Variants in TTC29 observed in about 807,000 individuals in gnomAD.
TTC29 encodes the protein tetratricopeptide repeat protein 29.
TTC29 carries 49 observed loss-of-function variants against 58.1 expected under a neutral mutation model. The observed-to-expected ratio is 0.84, with a 90% CI of 0.67 to 1.07. The LOEUF is 1.07. Among genes scored for constraint, TTC29 ranks in the 50% least tolerant of loss-of-function variants. TTC29 has a pLI of 0.00. For missense variants in TTC29, 582 were observed against 555.6 expected, an observed-to-expected ratio of 1.05 and a Z score of -0.48; for synonymous variants, 209 against 196.8, an observed-to-expected ratio of 1.06 and a Z score of -0.52.
intron 8 of TTC29, among the ~76,000 whole-genome samples, chr4:146,849,061 C>A (rs1297998672): frequency 1.3e-5 from 2 of 152,128 alleles, no homozygotes; most frequent in African/African-American, 4.8e-5. Context: ...ACCTACCCTG[C>A]TGCCCTCAGT....
chr4:146,722,214 A>G (rs1743414354), intron 11 of TTC29, among the ~76,000 whole-genome samples: 1 of 152,220 alleles, frequency 6.6e-6, no homozygotes, highest in Non-Finnish European at 1.5e-5. Flanking sequence ...GATTGGAAGA[A>G]TAAATATTGT....
At chr4:146,787,961 C>T (rs1450711459) in intron 11 of TTC29, among the ~76,000 whole-genome samples, 1 of 151,934 alleles carries the variant, frequency 6.6e-6, no homozygotes, top group African/African-American at 2.4e-5. Context: ...AAAGAGGGCT[C>T]CCAGGGTCTC....
At chr4:146,816,045 T>G (rs936253443) in intron 10 of TTC29, among the ~76,000 whole-genome samples, 4 of 152,218 alleles carry the variant, frequency 2.6e-5, no homozygotes, top group Non-Finnish European at 5.9e-5. Context: ...AATTCTCCGA[T>G]TTTTGATTCT....
At chr4:146,766,570 AT>A (rs1448535853) in intron 11 of TTC29, among the ~76,000 whole-genome samples, 1 of 152,122 alleles carries the variant, frequency 6.6e-6, no homozygotes, top group Non-Finnish European at 1.5e-5. Context: ...AAATTAAAAA[AT>A]GAATTAGTAT....
At chr4:146,786,277 T>A (rs1749007712) in intron 11 of TTC29, among the ~76,000 whole-genome samples, 1 of 152,230 alleles carries the variant, frequency 6.6e-6, no homozygotes, top group African/African-American at 2.4e-5. Context: ...AGTGACCGTT[T>A]GTTCTCTAAA....
chr4:146,747,246 C>T (rs1054671023), intron 11 of TTC29, among the ~76,000 whole-genome samples: 1 of 152,130 alleles, frequency 6.6e-6, no homozygotes, highest in African/African-American at 2.4e-5. Flanking sequence ...CTGTGTCCCC[C>T]ACCTGGGTCA....
At chr4:146,848,210 C>G (rs10519821) in intron 8 of TTC29, among the ~76,000 whole-genome samples, 9,347 of 152,264 alleles carry the variant, frequency 0.061, 395 homozygotes, top group Admixed American at 0.13. Flanking sequence ...ATACTTTCTT[C>G]ACCTCAGCCT....
intron 11 of TTC29, among the ~76,000 whole-genome samples, chr4:146,802,091 T>C (rs1471459484): frequency 1.3e-5 from 2 of 151,942 alleles, no homozygotes; most frequent in Non-Finnish European, 2.9e-5. Context: ...GGAGTATTTT[T>C]TTTTTCATAA....
intron 11 of TTC29, among the ~76,000 whole-genome samples, chr4:146,770,122 A>G (rs114549114): frequency 0.016 from 2,442 of 152,100 alleles, 72 homozygotes; most frequent in African/African-American, 0.054. Context: ...AACTTTAGAA[A>G]AAAAAAATTT....
chr4:146,744,891 T>A (rs1745426704), intron 11 of TTC29, among the ~76,000 whole-genome samples: 1 of 152,214 alleles, frequency 6.6e-6, no homozygotes, highest in African/African-American at 2.4e-5. Flanking sequence ...ACGTGTGAGT[T>A]GTATTAAAGG....
rs547722644 is a variant in TTC29, at chr4:146,721,791, T to C, written c.1331-14240A>G. 2.6e-5 allele frequency among the ~76,000 whole-genome samples: 4 copies of C among 152,162 alleles called. No homozygotes were observed. The East Asian group carries it at 7.7e-4, about 29-fold the overall frequency. On this transcript the variant is annotated intron_variant, in intron 11 of 12. Coordinates refer to ENST00000325106, the MANE Select transcript of TTC29 (RefSeq NM_031956.4). ...TTAATAAGTACATAAAAATTAGTTATGTAAGGAAGTCCTACCCAGAGCAAT... is the reference window on the plus strand; with the variant it reads ...TTAATAAGTACATAAAAATTAGTTACGTAAGGAAGTCCTACCCAGAGCAAT...
At position 146,914,109 on chromosome 4, in the gene TTC29, C is replaced by A. The variant is rs549253891; in HGVS notation, c.177-4860G>T. The stretch of plus-strand genomic sequence containing the variant: ...TTATAGTGGTTTAATAAATAGGTTC[C>A]TATCTAAACCTTCATAGTTATTGCA... On this transcript the variant is annotated intron_variant, in intron 4 of 12. Transcript: ENST00000325106. Among the ~76,000 whole-genome samples, 50 of 152,146 alleles carry A rather than the reference C, an allele frequency of 3.3e-4. No individual in the cohort carries two copies. In the South Asian group the frequency reaches 6.0e-3, roughly 18 times the overall value.
chr4:146,793,950 G>C (rs1251831419), intron 11 of TTC29, among the ~76,000 whole-genome samples: 1 of 152,040 alleles, frequency 6.6e-6, no homozygotes, highest in African/African-American at 2.4e-5. Flanking sequence ...AGGGCCTCAG[G>C]GCATGGTCAT....
At chr4:146,932,741 G>A (rs1170730915) in intron 4 of TTC29, among the ~76,000 whole-genome samples, 1 of 151,986 alleles carries the variant, frequency 6.6e-6, no homozygotes, top group Admixed American at 6.6e-5. Flanking sequence ...TCAAAATGAG[G>A]CAGGAGAAAA....
intron 6 of TTC29, among the ~76,000 whole-genome samples, chr4:146,898,090 T>C (rs535096672): frequency 6.6e-6 from 1 of 151,902 alleles, no homozygotes; most frequent in South Asian, 2.1e-4. Flanking sequence ...CATGGAAAAA[T>C]AAAACAAAAT....
intron 11 of TTC29, among the ~76,000 whole-genome samples, chr4:146,708,308 T>TATATA (rs1742140968): frequency 1.6e-5 from 1 of 62,220 alleles, no homozygotes; most frequent in African/African-American, 9.3e-5. Context: ...TATGGGAAGT[T>TATATA]TATATATATA....
At chr4:146,770,157 A>C (rs1281247823) in intron 11 of TTC29, among the ~76,000 whole-genome samples, 1 of 151,974 alleles carries the variant, frequency 6.6e-6, no homozygotes, top group Non-Finnish European at 1.5e-5. Context: ...ATTAATGCCT[A>C]TTTAAATCCA....
chr4:146,843,869 C>G (rs1336676856), intron 8 of TTC29, among the ~76,000 whole-genome samples: 1 of 152,142 alleles, frequency 6.6e-6, no homozygotes, highest in Non-Finnish European at 1.5e-5. Flanking sequence ...TTTTCATACT[C>G]TCTCCTCATG....
chr4:146,842,048 G>T (rs895473810), intron 8 of TTC29, among the ~76,000 whole-genome samples: 2 of 152,012 alleles, frequency 1.3e-5, no homozygotes, highest in African/African-American at 4.8e-5. Context: ...ATATGTTTTA[G>T]GTTGCTATAA....
Sources: gnomAD v4.1 joint callset for allele counts (sites outside exome capture counted in the v4.1 genomes callset) on GRCh38, gnomAD v4.1.1 for gene constraint, MANE v1.5 for transcripts, NCBI Gene and HGNC (gene_info 2026-07-23, HGNC 2026-07-21) for gene names.